ADK: variants seen among roughly 807,000 people sequenced by gnomAD.
The protein encoded by ADK is N6,N6-dimethyladenosine kinase.
Under a neutral mutation model 44.7 loss-of-function variants are expected in ADK, and 24 were observed. The observed-to-expected ratio is 0.54, with a 90% CI of 0.39 to 0.76. The LOEUF (loss-of-function observed/expected upper bound fraction) is 0.76, where lower values mean the gene tolerates loss of function less well. Among genes scored for constraint, ADK ranks in the 30% least tolerant of loss-of-function variants. ADK has a pLI of 0.00. For missense variants in ADK, 321 were observed against 425.1 expected, an observed-to-expected ratio of 0.76 and a Z score of 2.15; for synonymous variants, 128 against 142.6, an observed-to-expected ratio of 0.90 and a Z score of 0.73.
intron 1 of ADK, among the ~76,000 whole-genome samples, chr10:74,197,493 G>A (rs111704178): frequency 0.21 from 31,427 of 151,728 alleles, 4,410 homozygotes; most frequent in African/African-American, 0.4. Context: ...TGAAGCCAGG[G>A]GTTCGAAACC....
intron 6 of ADK, among the ~76,000 whole-genome samples, chr10:74,503,838 G>A (rs1355212453): frequency 6.6e-6 from 1 of 152,064 alleles, no homozygotes; most frequent in Admixed American, 6.6e-5. Flanking sequence ...CCAGGCACAG[G>A]CAATTTTTTA....
chr10:74,468,229 G>T (rs1227394004), intron 6 of ADK, among the ~76,000 whole-genome samples: 2 of 152,184 alleles, frequency 1.3e-5, no homozygotes, highest in Admixed American at 6.5e-5. Context: ...CAAAGGCTAT[G>T]CCTTAACTTT....
chr10:74,452,920 A>G (rs1215282084), intron 6 of ADK, among the ~76,000 whole-genome samples: 1 of 152,086 alleles, frequency 6.6e-6, no homozygotes, highest in Admixed American at 6.5e-5. Context: ...AGGCTTTACT[A>G]TAATAAAAAT....
At chr10:74,578,357 G>A (rs914688663) in intron 7 of ADK, among the ~76,000 whole-genome samples, 11 of 151,888 alleles carry the variant, frequency 7.2e-5, no homozygotes, top group Non-Finnish European at 1.3e-4. Context: ...AAATTGTGTT[G>A]CCAATGAATG....
chr10:74,382,956 C>G (rs1843021053), intron 4 of ADK, among the ~76,000 whole-genome samples: 2 of 151,356 alleles, frequency 1.3e-5, no homozygotes, highest in Non-Finnish European at 2.9e-5. Flanking sequence ...TTGGATTTTC[C>G]CCCCCTCCTC....
chr10:74,456,557 C>T (rs911126097), intron 6 of ADK, among the ~76,000 whole-genome samples: 1 of 150,348 alleles, frequency 6.7e-6, no homozygotes, highest in Non-Finnish European at 1.5e-5. Context: ...GTCCCAGCTA[C>T]TCGGGAGGCT....
chr10:74,507,922 T>A (rs1471240759), intron 6 of ADK, among the ~76,000 whole-genome samples: 1 of 152,176 alleles, frequency 6.6e-6, no homozygotes, highest in African/African-American at 2.4e-5. Flanking sequence ...ATTTGTTAGA[T>A]TTTAAATGGG....
chr10:74,527,462 T>C, intron 7 of ADK: 1 of 532,500 alleles, frequency 1.9e-6, no homozygotes, highest in Non-Finnish European at 3.4e-6. Flanking sequence ...AAAAATGCTA[T>C]TTGGACTTTA....
chr10:74,456,666 C>CAAA (rs71024510), intron 6 of ADK, among the ~76,000 whole-genome samples: 28 of 63,090 alleles, frequency 4.4e-4, no homozygotes, highest in East Asian at 9.9e-4. Context: ...GACTCCATCT[C>CAAA]AAAAAAAAAA....
intron 7 of ADK, among the ~76,000 whole-genome samples, chr10:74,586,778 C>T (rs557520964): frequency 6.6e-6 from 1 of 151,440 alleles, no homozygotes; most frequent in Admixed American, 6.6e-5. Flanking sequence ...ACCTTTAACC[C>T]AGGAGGCGGA....
At chr10:74,185,842 GAA>G (rs71021593) in intron 1 of ADK, among the ~76,000 whole-genome samples, 155 of 65,818 alleles carry the variant, frequency 2.4e-3, no homozygotes, top group East Asian at 7.4e-3. Context: ...GTCTCAAAAA[GAA>G]AAAAAAAAAA....
intron 6 of ADK, among the ~76,000 whole-genome samples, chr10:74,450,982 A>T (rs2133186271): frequency 6.6e-6 from 1 of 151,984 alleles, no homozygotes; most frequent in East Asian, 1.9e-4. Flanking sequence ...AAATATTAGA[A>T]AAATGCCCAA....
chr10:74,252,027 G>C (rs1299159788), intron 3 of ADK, among the ~76,000 whole-genome samples: 1 of 149,702 alleles, frequency 6.7e-6, no homozygotes, highest in African/African-American at 2.5e-5. Flanking sequence ...ACATAGGACT[G>C]ATATCTGACC....
chr10:74,551,417 A>G (rs1265005963), intron 7 of ADK: 3 of 152,644 alleles, frequency 2.0e-5, no homozygotes. Context: ...AGTGGTATTT[A>G]CAACTAATTG....
chr10:74,195,133 T>C (rs1352415202), intron 1 of ADK, among the ~76,000 whole-genome samples: 1 of 151,946 alleles, frequency 6.6e-6, no homozygotes, highest in Non-Finnish European at 1.5e-5. Context: ...TAGCATCCAT[T>C]CCAAGAAAAA....
intron 10 of ADK, among the ~76,000 whole-genome samples, chr10:74,696,688 G>T (rs1192134362): frequency 6.6e-6 from 1 of 152,084 alleles, no homozygotes; most frequent in African/African-American, 2.4e-5. Flanking sequence ...TATTTTTAAT[G>T]GGACTGTGTA....
chr10:74,302,135 T>TGAGATGGAGTC (rs1840077087), intron 3 of ADK, among the ~76,000 whole-genome samples: 1 of 86,734 alleles, frequency 1.2e-5, no homozygotes, highest in Admixed American at 1.4e-4. Flanking sequence ...TTTTTTTTTT[T>TGAGATGGAGTC]TTTTTTTTTT....
intron 6 of ADK, among the ~76,000 whole-genome samples, chr10:74,478,994 CT>C (rs1007899197): frequency 3.9e-5 from 6 of 151,992 alleles, no homozygotes; most frequent in Non-Finnish European, 5.9e-5. Flanking sequence ...CCACATGTAT[CT>C]TTTTTTAAAA....
At chr10:74,213,057 A>G (rs1024421987) in intron 2 of ADK, among the ~76,000 whole-genome samples, 2 of 152,172 alleles carry the variant, frequency 1.3e-5, no homozygotes, top group African/African-American at 2.4e-5. Context: ...AGGCAGGCAT[A>G]TTCAGGAGAC....
Sources: gnomAD v4.1 joint callset for allele counts (sites outside exome capture counted in the v4.1 genomes callset) on GRCh38, gnomAD v4.1.1 for gene constraint, MANE v1.5 for transcripts, NCBI Gene and HGNC (gene_info 2026-07-23, HGNC 2026-07-21) for gene names.